Variants in LDLRAD3 observed in about 807,000 individuals in gnomAD.
LDLRAD3 encodes low-density lipoprotein receptor class A domain-containing protein 3.
LDLRAD3 carries 20 observed loss-of-function variants against 29.4 expected under a neutral mutation model. The observed-to-expected ratio is 0.68, with a 90% CI of 0.48 to 0.99. The LOEUF is 0.99. LDLRAD3 is among the 50% of genes least tolerant of loss of function. The probability of loss-of-function intolerance (pLI) is 0.00; values close to 1 mark genes in which losing one functional copy is unlikely to be tolerated. For synonymous variants in LDLRAD3, 157 were observed against 192.7 expected (o/e 0.81, Z 1.53); for missense variants, 420 against 454.3 (o/e 0.92, Z 0.69).
chr11:36,148,032 G>A (rs370629513), intron 4 of LDLRAD3, among the ~76,000 whole-genome samples: 3 of 152,046 alleles, frequency 2.0e-5, no homozygotes, highest in African/African-American at 7.2e-5. Flanking sequence ...CACCAGCCTC[G>A]GCTAATGGTT....
At position 36,136,751 on chromosome 11, in the gene LDLRAD3, C is replaced by T. The variant is rs536155900; in HGVS notation, c.454+38290C>T. Reference sequence around the variant, plus strand: ...AGTCACCCAGGCTGGAGTACAGTGGCGCGATCTTAGCTCACGGTTACCCCT... The same window carrying T: ...AGTCACCCAGGCTGGAGTACAGTGGTGCGATCTTAGCTCACGGTTACCCCT... On this transcript the variant is annotated intron_variant, in intron 4 of 5. Coordinates refer to ENST00000315571, the MANE Select transcript of LDLRAD3 (RefSeq NM_174902.4). 3.9e-4 allele frequency among the ~76,000 whole-genome samples: 59 copies of T among 151,336 alleles called. 1 individual carries two copies. The highest frequency in any genetic ancestry group is 1.4e-3 in the African/African-American group (56 of 41,244).
intron 4 of LDLRAD3, among the ~76,000 whole-genome samples, chr11:36,167,602 A>G (rs1854534016): frequency 6.6e-6 from 1 of 152,190 alleles, no homozygotes. Flanking sequence ...AGATGCATCT[A>G]CAAGCCAAGG....
intron 1 of LDLRAD3, among the ~76,000 whole-genome samples, chr11:36,013,622 G>A (rs112702467): frequency 6.6e-5 from 10 of 152,074 alleles, no homozygotes; most frequent in Non-Finnish European, 1.5e-4. Flanking sequence ...CCATGTCCCT[G>A]CAAAGGACAT....
intron 1 of LDLRAD3, among the ~76,000 whole-genome samples, chr11:35,969,248 T>C (rs1851382219): frequency 6.6e-6 from 1 of 152,224 alleles, no homozygotes; most frequent in Non-Finnish European, 1.5e-5. Flanking sequence ...GGGCTTCCCC[T>C]GAAAACTCAT....
rs901050121 is a variant in LDLRAD3 at position 36,179,536 on chromosome 11, A to T, written c.455-47549A>T. Reference sequence around the variant, plus strand: ...TACAAGCGTCTCAGCTCAGAAGTTCATTGCTACTAAAACACCTTGTGAGAA... The same window carrying T: ...TACAAGCGTCTCAGCTCAGAAGTTCTTTGCTACTAAAACACCTTGTGAGAA... On this transcript the variant is annotated intron_variant, in intron 4 of 5. Coordinates refer to ENST00000315571, the MANE Select transcript of LDLRAD3 (RefSeq NM_174902.4). Among the ~76,000 whole-genome samples, 16 of 152,304 alleles carry T rather than the reference A, an allele frequency of 1.1e-4. 2 individuals carry two copies. Among genetic ancestry groups the T allele is most frequent in the Admixed American group, 9.1e-4 (14 of 15,308 alleles).
At chr11:36,143,931 C>CCTCCCCCTCCCCCTCCCT (rs1565254953) in intron 4 of LDLRAD3, among the ~76,000 whole-genome samples, 26 of 132,728 alleles carry the variant, frequency 2.0e-4, no homozygotes, top group Non-Finnish European at 4.0e-4. Flanking sequence ...TCCCCCTCCC[C>CCTCCCCCTCCCCCTCCCT]CTCCCCCTCC....
chr11:36,191,576 C>CTCTCTCTCTCTCTATATA (rs377747518), intron 4 of LDLRAD3, among the ~76,000 whole-genome samples: 1 of 53,430 alleles, frequency 1.9e-5, no homozygotes, highest in Non-Finnish European at 3.4e-5. Context: ...CTCTCTCTCT[C>CTCTCTCTCTCTCTATATA]TATATATATA....
chr11:36,057,040 G>A (rs1852631864), intron 2 of LDLRAD3, among the ~76,000 whole-genome samples: 2 of 152,112 alleles, frequency 1.3e-5, no homozygotes, highest in African/African-American at 4.8e-5. Flanking sequence ...GAGCCACAAG[G>A]GTCTAGAGTT....
At chr11:36,219,376 G>A (rs61254236) in intron 4 of LDLRAD3, among the ~76,000 whole-genome samples, 10,158 of 152,174 alleles carry the variant, frequency 0.067, 462 homozygotes, top group East Asian at 0.2. Flanking sequence ...GGAAAAAGGC[G>A]TGCAAGACAC....
At chr11:36,037,588 C>T (rs764187971) in intron 2 of LDLRAD3, among the ~76,000 whole-genome samples, 3 of 152,192 alleles carry the variant, frequency 2.0e-5, no homozygotes, top group South Asian at 2.1e-4. Context: ...GCTGGGATTA[C>T]AGGCATGAGC....
At chr11:35,964,852 G>A (rs777646856) in intron 1 of LDLRAD3, among the ~76,000 whole-genome samples, 1 of 152,102 alleles carries the variant, frequency 6.6e-6, no homozygotes, top group Non-Finnish European at 1.5e-5. Flanking sequence ...GGTTGGACAT[G>A]CTGGTGCACA....
At chr11:36,201,748 C>CA (rs1337534967) in intron 4 of LDLRAD3, among the ~76,000 whole-genome samples, 2 of 152,226 alleles carry the variant, frequency 1.3e-5, no homozygotes, top group Non-Finnish European at 2.9e-5. Context: ...GTAGTCTCCT[C>CA]AAACTATTAG....
intron 2 of LDLRAD3, among the ~76,000 whole-genome samples, chr11:36,049,137 C>T (rs1852493103): frequency 6.6e-6 from 1 of 152,142 alleles, no homozygotes; most frequent in South Asian, 2.1e-4. Context: ...TTGGCTGTAA[C>T]TGCAAAATAT....
At chr11:36,073,333 G>C (rs1386962526) in intron 2 of LDLRAD3, among the ~76,000 whole-genome samples, 2 of 152,234 alleles carry the variant, frequency 1.3e-5, no homozygotes, top group Non-Finnish European at 2.9e-5. Flanking sequence ...CCAGATCCTT[G>C]AGAAGTGGTG....
At chr11:35,993,061 C>A (rs1229491796) in intron 1 of LDLRAD3, among the ~76,000 whole-genome samples, 2 of 152,068 alleles carry the variant, frequency 1.3e-5, no homozygotes, top group Non-Finnish European at 2.9e-5. Context: ...TTCCATTTTA[C>A]AGATTTAAAA....
chr11:36,200,509 T>C (rs1180424695), intron 4 of LDLRAD3, among the ~76,000 whole-genome samples: 1 of 152,080 alleles, frequency 6.6e-6, no homozygotes, highest in Non-Finnish European at 1.5e-5. Context: ...TAACAATCCG[T>C]TTTCAGGACT....
intron 4 of LDLRAD3, among the ~76,000 whole-genome samples, chr11:36,133,322 C>T (rs771338561): frequency 6.6e-6 from 1 of 151,100 alleles, no homozygotes; most frequent in East Asian, 2.0e-4. Context: ...AGGTGTCAGC[C>T]ATCATGCCCA....
At chr11:36,104,619 T>G (rs1237844700) in intron 4 of LDLRAD3, among the ~76,000 whole-genome samples, 2 of 152,122 alleles carry the variant, frequency 1.3e-5, no homozygotes, top group Non-Finnish European at 2.9e-5. Context: ...CAGGCACCAT[T>G]CTGAGCATTA....
At chr11:35,948,367 C>A (rs1458342744) in intron 1 of LDLRAD3, among the ~76,000 whole-genome samples, 1 of 151,956 alleles carries the variant, frequency 6.6e-6, no homozygotes, top group Admixed American at 6.6e-5. Context: ...ACCATTCTAA[C>A]CATGCAGTTT....
Sources: allele counts gnomAD v4.1 joint callset (sites outside exome capture counted in the v4.1 genomes callset), GRCh38; gene constraint gnomAD v4.1.1; transcripts MANE v1.5; gene names NCBI Gene and HGNC (gene_info 2026-07-23, HGNC 2026-07-21).